Variants in SHROOM2 observed in about 807,000 individuals in gnomAD.
SHROOM2 encodes the protein shroom family member 2, also known as protein Shroom2.
SHROOM2 carries 33 observed loss-of-function variants against 75.9 expected under a neutral mutation model. That is an observed-to-expected ratio of 0.43 (90% CI 0.33 to 0.58). SHROOM2 has a LOEUF of 0.58. SHROOM2 is among the 20% of genes least tolerant of loss of function. The pLI, the probability that SHROOM2 is intolerant of heterozygous loss-of-function variation, is 0.04. For missense variants in SHROOM2, 1,434 were observed against 1,461.2 expected, an observed-to-expected ratio of 0.98 and a Z score of 0.30; for synonymous variants, 655 against 663.6, an observed-to-expected ratio of 0.99 and a Z score of 0.20.
intron 1 of SHROOM2, among the ~76,000 whole-genome samples, chrX:9,831,135 C>T (rs761702346): frequency 1.8e-5 from 2 of 111,935 alleles, no homozygotes; most frequent in South Asian, 3.7e-4. Context: ...GAGGGGAAAC[C>T]GAAATAGCTG....
chrX:9,935,624 G>C (rs1035182241), intron 6 of SHROOM2, among the ~76,000 whole-genome samples: 1 of 111,584 alleles, frequency 9.0e-6, no homozygotes, highest in Admixed American at 9.6e-5. Context: ...CTACTGGAGA[G>C]AGGGAGGAAA....
At chrX:9,819,199 C>T in intron 1 of SHROOM2, 1 of 1,081,003 alleles carries the variant, frequency 9.3e-7, no homozygotes, top group Non-Finnish European at 1.3e-6. Flanking sequence ...TCAGGATTCT[C>T]ACATTCAGGA....
rs763621289 is a variant in SHROOM2, at chrX:9,876,409, A to C, written c.317+2606A>C. On this transcript the variant is annotated intron_variant, in intron 2 of 9. Coordinates refer to ENST00000380913, the MANE Select transcript of SHROOM2 (RefSeq NM_001649.4). ...AAAAGCACCAATGGGTGCTTTCAAA[A>C]TTGTTCTTCTTAAAGCCAGAACACG... Among the ~76,000 whole-genome samples the C allele has an allele frequency of 2.2e-3, 241 of 111,797 alleles. 1 individual carries two copies. The highest frequency in any genetic ancestry group is 3.9e-3 in the Non-Finnish European group (208 of 53,128).
intron 5 of SHROOM2, among the ~76,000 whole-genome samples, chrX:9,931,757 C>T (rs1333002270): frequency 8.9e-6 from 1 of 111,994 alleles, no homozygotes; most frequent in African/African-American, 3.2e-5. Context: ...TTGTATATGG[C>T]AATTTCCCAT....
At chrX:9,873,827 A>G in intron 2 of SHROOM2, 24 bp downstream of exon 2, 1 of 1,204,702 alleles carries the variant, frequency 8.3e-7, no homozygotes, top group South Asian at 1.8e-5. Context: ...TTCCTCCCAC[A>G]TTTACCACGA....
chrX:9,907,112 C>T (rs185838182), intron 5 of SHROOM2, among the ~76,000 whole-genome samples: 1 of 111,464 alleles, frequency 9.0e-6, no homozygotes, highest in Non-Finnish European at 1.9e-5. Flanking sequence ...TTTCGCTTCT[C>T]CACATTCCTT....
At chrX:9,807,503 CAA>C (rs909746889) in intron 1 of SHROOM2, among the ~76,000 whole-genome samples, 9 of 111,483 alleles carry the variant, frequency 8.1e-5, no homozygotes, top group Non-Finnish European at 1.7e-4. Flanking sequence ...TGGCGTATTG[CAA>C]AGACATTACA....
chrX:9,833,065 G>T (rs898473415), intron 1 of SHROOM2, among the ~76,000 whole-genome samples: 3 of 110,522 alleles, frequency 2.7e-5, no homozygotes, highest in Admixed American at 9.7e-5. Flanking sequence ...ATGTCTTCTC[G>T]CGTCCTTGTG....
Position 9,873,709 on chromosome X carries a change from G to A in SHROOM2, c.223G>A (p.Val75Ile), listed in dbSNP as rs142199040. ...CAAGTTACTGGCTGGAGATGAGATC[G>A]TCGGCATCAATGACATTGGTCTCTC... is the stretch of plus-strand genomic sequence containing the variant. ...VDKLLAGDEIVGINDIGLSGF... is the reference protein window; with the variant it reads ...VDKLLAGDEIIGINDIGLSGF... The change falls in exon 2 of 10, where the codon GTC (valine) becomes ATC (isoleucine). Residue 75 changes from valine to isoleucine, a missense_variant. By Grantham distance (29) the Val-to-Ile change is conservative. Coordinates refer to ENST00000380913, the MANE Select transcript of SHROOM2 (RefSeq NM_001649.4). The A allele has an allele frequency of 2.4e-4, 291 of 1,209,921 alleles. 2 individuals are homozygous for A. The highest frequency in any genetic ancestry group is 9.6e-5 in the Non-Finnish European group (86 of 894,982).
intron 1 of SHROOM2, among the ~76,000 whole-genome samples, chrX:9,808,458 G>A (rs1308001553): frequency 9.1e-6 from 1 of 110,146 alleles, no homozygotes; most frequent in Non-Finnish European, 1.9e-5. Context: ...GAGGCTGGAG[G>A]ATTTGGCTTG....
intron 5 of SHROOM2, among the ~76,000 whole-genome samples, chrX:9,916,804 C>A (rs2084494627): frequency 8.9e-6 from 1 of 111,881 alleles, no homozygotes; most frequent in Admixed American, 9.5e-5. Context: ...TGATTATTGT[C>A]ATTTAGGTTG....
chrX:9,889,236 C>T (rs1270933365), intron 2 of SHROOM2, among the ~76,000 whole-genome samples: 3 of 112,212 alleles, frequency 2.7e-5, no homozygotes, highest in South Asian at 3.7e-4. Context: ...TTTTGCCACC[C>T]GTATACTTTT....
intron 1 of SHROOM2, among the ~76,000 whole-genome samples, chrX:9,815,578 C>CTATATCTA (rs1345175695): frequency 2.4e-4 from 25 of 104,474 alleles, no homozygotes; most frequent in Non-Finnish European, 4.3e-4. Context: ...TATCCTATAT[C>CTATATCTA]TATATCTATA....
At chrX:9,933,685 G>A (rs942041822) in intron 6 of SHROOM2, among the ~76,000 whole-genome samples, 1 of 112,103 alleles carries the variant, frequency 8.9e-6, no homozygotes, top group African/African-American at 3.2e-5. Flanking sequence ...GCTGAAGTGG[G>A]AGGATCACCT....
Position 9,875,471 on chromosome X carries a change from C to G in SHROOM2, c.317+1668C>G, listed in dbSNP as rs180778006. 2.7e-5 allele frequency among the ~76,000 whole-genome samples: 3 copies of G among 111,802 alleles called. No individual in the cohort carries two copies. In the East Asian group the frequency reaches 8.5e-4, roughly 31 times the overall value. ...CGCTGCCAAGGCTGACTGCAACTCC[C>G]TTTTCTTCTGTCTCCTGTACTGTCT... On this transcript the variant is annotated intron_variant, in intron 2 of 9. Transcript: ENST00000380913.
At chrX:9,787,992 C>CTTTTTTTTTTTTTTTTTTTTTTT (rs58004470) in intron 1 of SHROOM2, among the ~76,000 whole-genome samples, 2 of 84,227 alleles carry the variant, frequency 2.4e-5, no homozygotes, top group African/African-American at 8.4e-5. Flanking sequence ...TTTCTTTCTT[C>CTTTTTTTTTTTTTTTTTTTTTTT]TTTTTTTTTT....
intron 1 of SHROOM2, among the ~76,000 whole-genome samples, chrX:9,833,608 C>CTGTGTGTGTATG (rs1428953097): frequency 2.7e-3 from 260 of 95,371 alleles, no homozygotes; most frequent in Non-Finnish European, 2.8e-3. Flanking sequence ...CAAGTAGACT[C>CTGTGTGTGTATG]TGTGTGTGTG....
chrX:9,944,337 T>C (rs2084797402), intron 8 of SHROOM2, among the ~76,000 whole-genome samples: 1 of 111,643 alleles, frequency 9.0e-6, no homozygotes, highest in South Asian at 3.7e-4. Flanking sequence ...TCCAAAGATA[T>C]GGGTTGAAAC....
In SHROOM2 at chrX:9,895,101, C is replaced by T. The variant is rs144299681; in HGVS notation, c.1193C>T (p.Pro398Leu). The T allele has an allele frequency of 4.1e-6, 5 of 1,210,530 alleles. No homozygotes were observed. The highest frequency in any genetic ancestry group is 2.2e-5 in the Admixed American group (1 of 46,019). ...GAGGCCCACGCAGACGGCAGCTGGC[C>T]GCCCTCCAAGGATGGAGCTTCCAGT... is the stretch of plus-strand genomic sequence containing the variant. The part of the protein sequence containing the change: ...PQEAHADGSW[P>L]PSKDGASSRL... Residue 398 changes from proline to leucine, a missense_variant, in exon 4 of 10, where the codon CCG (proline) becomes CTG (leucine). Pro to Leu is a moderately conservative substitution (Grantham distance 98, BLOSUM62 -3). Coordinates refer to ENST00000380913, the MANE Select transcript of SHROOM2 (RefSeq NM_001649.4).
Sources: allele counts gnomAD v4.1 joint callset (sites outside exome capture counted in the v4.1 genomes callset), GRCh38; gene constraint gnomAD v4.1.1; transcripts MANE v1.5; gene names NCBI Gene and HGNC (gene_info 2026-07-23, HGNC 2026-07-21).